KIAA0825: variants seen among roughly 807,000 people sequenced by gnomAD.
KIAA0825 encodes uncharacterized protein KIAA0825.
KIAA0825 carries 119 observed loss-of-function variants against 147.6 expected under a neutral mutation model. The observed-to-expected ratio is 0.81, with a 90% CI of 0.69 to 0.94. The LOEUF (loss-of-function observed/expected upper bound fraction) is 0.94, where lower values mean the gene tolerates loss of function less well. Among genes scored for constraint, KIAA0825 ranks in the 40% least tolerant of loss-of-function variants. The pLI is 0.00. For missense variants in KIAA0825, 1,381 were observed against 1,472.7 expected (o/e 0.94, Z 1.02); for synonymous variants, 470 against 518.1 (o/e 0.91, Z 1.26).
In KIAA0825 at chr5:94,153,955, T is replaced by C. The variant is rs1766794912; in HGVS notation, c.*52A>G. 1.6e-6 allele frequency: 2 copies of C among 1,262,516 alleles called. No homozygotes were observed. The highest frequency in any genetic ancestry group is 3.0e-5 in the African/African-American group (2 of 67,172). 78.2% of individuals were successfully genotyped at this position (1,262,516 alleles called of 1,614,324 possible). A position where few individuals can be genotyped will look rare whatever the true frequency, so the allele number is the denominator to read the frequency against. ...TTCTGACTATGGTAAAAAATCCTACTCCATTACATGGGATTGTTTCCTAAA... is the reference window on the plus strand; with the variant it reads ...TTCTGACTATGGTAAAAAATCCTACCCCATTACATGGGATTGTTTCCTAAA... On this transcript the variant is annotated 3_prime_UTR_variant, in exon 21 of 21. Transcript: ENST00000682413.
intron 1 of KIAA0825, chr5:94,593,493 A>G: frequency 1.5e-6 from 1 of 651,702 alleles, no homozygotes; most frequent in Non-Finnish European, 2.8e-6. Flanking sequence ...GAAACTTTAG[A>G]TATCATTATC....
chr5:94,370,315 G>A (rs1746501935), intron 20 of KIAA0825, among the ~76,000 whole-genome samples: 1 of 152,136 alleles, frequency 6.6e-6, no homozygotes, highest in African/African-American at 2.4e-5. Flanking sequence ...GAATTTTTGA[G>A]GGTGATAAAA....
chr5:94,465,372 G>T (rs952810169), intron 10 of KIAA0825, among the ~76,000 whole-genome samples: 2 of 152,172 alleles, frequency 1.3e-5, no homozygotes, highest in African/African-American at 4.8e-5. Context: ...TGCTGAAAAA[G>T]CCATGCTAGC....
At position 94,391,572 on chromosome 5, in the gene KIAA0825, T is replaced by A. The variant is rs975427890; in HGVS notation, c.3419A>T (p.Tyr1140Phe). 1.3e-6 allele frequency: 2 copies of A among 1,551,504 alleles called. No individual in the cohort carries two copies. The highest frequency in any genetic ancestry group is 2.7e-5 in the African/African-American group (2 of 73,032). ...DLCHKPGGRE[Y>F]LRQIYHIMQL... The stretch of plus-strand genomic sequence containing the variant: ...CATGATGTGATAAATTTGCCTCAGG[T>A]ACTCCCTGCCACCTGGTTTGTGGCA... Residue 1140 changes from tyrosine (Y) to phenylalanine (F), a missense_variant, in exon 18 of 21, where the codon TAC becomes TTC. Physicochemically the swap from Tyr to Phe is conservative, Grantham distance 22. Coordinates refer to ENST00000682413, the MANE Select transcript of KIAA0825 (RefSeq NM_001145678.3).
chr5:94,368,509 T>C (rs910471354), intron 20 of KIAA0825, among the ~76,000 whole-genome samples: 3 of 151,750 alleles, frequency 2.0e-5, no homozygotes, highest in African/African-American at 7.3e-5. Context: ...GAAGGAAAAA[T>C]GTAAGGAGAG....
At chr5:94,180,281 C>T (rs1769487866) in intron 20 of KIAA0825, among the ~76,000 whole-genome samples, 1 of 151,960 alleles carries the variant, frequency 6.6e-6, no homozygotes. Flanking sequence ...AACCATCTTA[C>T]AAACCAAAAT....
At position 94,520,537 on chromosome 5, in the gene KIAA0825, GC is replaced by G. The variant is rs1347090212; in HGVS notation, c.680del (p.Cys227SerfsTer11). 1 of 1,613,156 alleles carries G rather than the reference GC, an allele frequency of 6.2e-7. No homozygotes were observed. Among genetic ancestry groups the G allele is most frequent in the South Asian group, 1.1e-5 (1 of 91,066 alleles). On this transcript the variant is annotated frameshift_variant, in exon 5 of 21. Transcript: ENST00000682413. LOFTEE classifies it high-confidence loss of function. ...TTGAATCTCTGTTGTAAGAAGGAAAGCAGTTCCACAGAAGATTAGCCAACAG... is the reference window on the plus strand; with the variant it reads ...TTGAATCTCTGTTGTAAGAAGGAAAGAGTTCCACAGAAGATTAGCCAACAG... ...NKLLANLLWNCFPSYNRDSNL... is the reference protein window; with the variant it reads ...NKLLANLLWNXFPSYNRDSNL...
chr5:94,495,472 T>C (rs1324969746), intron 5 of KIAA0825, among the ~76,000 whole-genome samples: 1 of 152,180 alleles, frequency 6.6e-6, no homozygotes, highest in Non-Finnish European at 1.5e-5. Context: ...TTTAATTCAA[T>C]AAAGATTTAC....
intron 2 of KIAA0825, among the ~76,000 whole-genome samples, chr5:94,576,652 G>A (rs1353725764): frequency 6.6e-6 from 1 of 152,110 alleles, no homozygotes; most frequent in Non-Finnish European, 1.5e-5. Flanking sequence ...AAATTGTCCA[G>A]TTTCAGGTAT....
rs77596685 is a variant in KIAA0825 at position 94,306,796 on chromosome 5, G to A, written c.3710+77572C>T. Among the ~76,000 whole-genome samples, 368 of 151,778 alleles carry A rather than the reference G, an allele frequency of 2.4e-3. 1 individual carries two copies. Among genetic ancestry groups the A allele is most frequent in the East Asian group, 9.3e-3 (48 of 5,144 alleles). On this transcript the variant is annotated intron_variant, in intron 20 of 20. Transcript: ENST00000682413. Reference sequence around the variant, plus strand: ...GATGTTGCAGCCCTCATTTCTTTCCGTAATTGTCCATGTGATTAATTGCCT... The same window carrying A: ...GATGTTGCAGCCCTCATTTCTTTCCATAATTGTCCATGTGATTAATTGCCT...
intron 15 of KIAA0825, chr5:94,413,687 A>G (rs1753062431): frequency 6.6e-6 from 1 of 152,198 alleles, no homozygotes; most frequent in Non-Finnish European, 1.5e-5. Context: ...GATGACATAA[A>G]ATGTTCCATA....
intron 5 of KIAA0825, among the ~76,000 whole-genome samples, chr5:94,508,531 A>G (rs1000121473): frequency 1.3e-5 from 2 of 151,874 alleles, no homozygotes; most frequent in African/African-American, 4.8e-5. Context: ...TTAGAATATG[A>G]AAAAAAAGGG....
At chr5:94,383,979 GT>G (rs1250607011) in intron 20 of KIAA0825, among the ~76,000 whole-genome samples, 1 of 152,076 alleles carries the variant, frequency 6.6e-6, no homozygotes, top group Non-Finnish European at 1.5e-5. Flanking sequence ...CATTCATTAA[GT>G]TGTTGTAAAC....
intron 20 of KIAA0825, among the ~76,000 whole-genome samples, chr5:94,214,634 TTGTAAATATAACCC>T (rs1773044642): frequency 1.3e-5 from 2 of 152,194 alleles, no homozygotes; most frequent in African/African-American, 4.8e-5. Flanking sequence ...CCTACCCTCC[TTGTAAATATAACCC>T]TGTCTGATGT....
intron 3 of KIAA0825, among the ~76,000 whole-genome samples, chr5:94,536,281 CTA>C (rs1771998869): frequency 6.6e-6 from 1 of 152,128 alleles, no homozygotes; most frequent in Non-Finnish European, 1.5e-5. Flanking sequence ...TTCAAGGTAA[CTA>C]TATCTTAAAT....
intron 3 of KIAA0825, among the ~76,000 whole-genome samples, chr5:94,533,822 T>C (rs1422754837): frequency 6.6e-6 from 1 of 152,192 alleles, no homozygotes; most frequent in East Asian, 1.9e-4. Flanking sequence ...GTCACCCAGG[T>C]CTGACTTGAA....
intron 3 of KIAA0825, among the ~76,000 whole-genome samples, chr5:94,527,145 T>C (rs1415661040): frequency 2.0e-5 from 3 of 152,060 alleles, no homozygotes; most frequent in Non-Finnish European, 4.4e-5. Context: ...TGGTCACTAC[T>C]ACACTCATGC....
In KIAA0825 at chr5:94,402,701, A is replaced by T. The variant is rs568606723; in HGVS notation, c.2887+868T>A. 8.6e-5 allele frequency among the ~76,000 whole-genome samples: 13 copies of T among 151,320 alleles called. No homozygotes were observed. The South Asian group carries it at 1.9e-3, about 22-fold the overall frequency. ...TTAGAGTTAGAGAAAAAATATTTTC[A>T]CTAACTCTAAGGAAACTTTCTCTAG... On this transcript the variant is annotated intron_variant, in intron 16 of 20. Coordinates refer to ENST00000682413, the MANE Select transcript of KIAA0825 (RefSeq NM_001145678.3).
At chr5:94,521,346 A>C (rs1277659719) in intron 4 of KIAA0825, among the ~76,000 whole-genome samples, 1 of 151,796 alleles carries the variant, frequency 6.6e-6, no homozygotes, top group Non-Finnish European at 1.5e-5. Flanking sequence ...GAATGAGTAC[A>C]CTTATTATTA....
Sources: allele counts gnomAD v4.1 joint callset (sites outside exome capture counted in the v4.1 genomes callset), GRCh38; gene constraint gnomAD v4.1.1; transcripts MANE v1.5; gene names NCBI Gene and HGNC (gene_info 2026-07-23, HGNC 2026-07-21).